Variants in KPNA1 observed in about 807,000 individuals in gnomAD.
KPNA1 encodes karyopherin subunit alpha 1, also known as importin subunit alpha-5.
In KPNA1, 10 loss-of-function variants were observed where a neutral mutation model predicts 70.5. That is an observed-to-expected ratio of 0.14 (90% CI 0.09 to 0.24). The LOEUF (loss-of-function observed/expected upper bound fraction) is 0.24, where lower values mean the gene tolerates loss of function less well. Ranked by LOEUF, KPNA1 falls within the 10% of genes least tolerant of loss-of-function variation. The pLI is 1.00. For missense variants in KPNA1, 397 were observed against 637.9 expected (o/e 0.62, Z 4.07); for synonymous variants, 192 against 221.9 (o/e 0.87, Z 1.20).
chr3:122,484,011 A>G (rs564581116), intron 2 of KPNA1, among the ~76,000 whole-genome samples: 1 of 152,346 alleles, frequency 6.6e-6, no homozygotes, highest in Admixed American at 6.5e-5. Flanking sequence ...CTCCTTGATC[A>G]TGGCTCTCCC....
intron 6 of KPNA1, among the ~76,000 whole-genome samples, chr3:122,453,130 A>G (rs1438615928): frequency 2.0e-5 from 3 of 152,056 alleles, no homozygotes; most frequent in South Asian, 2.1e-4. Context: ...TTTTCTGTAG[A>G]GACTGGGTTT....
At chr3:122,428,077 A>C (rs930342705) in intron 12 of KPNA1, among the ~76,000 whole-genome samples, 2 of 152,158 alleles carry the variant, frequency 1.3e-5, no homozygotes, top group African/African-American at 4.8e-5. Context: ...CAAACATGAC[A>C]CTCTTGGTGC....
chr3:122,446,230 C>T (rs1184558197), intron 9 of KPNA1, among the ~76,000 whole-genome samples: 3 of 152,206 alleles, frequency 2.0e-5, no homozygotes, highest in African/African-American at 7.2e-5. Context: ...CTCTTCTCAG[C>T]ACCACATTGT....
At chr3:122,456,557 C>CA in intron 5 of KPNA1, among the ~76,000 whole-genome samples, 1 of 151,806 alleles carries the variant, frequency 6.6e-6, no homozygotes, top group East Asian at 1.9e-4. Context: ...AGTTTAGCAC[C>CA]AAAGATCTCA....
At chr3:122,464,174 C>T (rs1236373231) in intron 3 of KPNA1, 133 bp from the exon 4 acceptor site, 1 of 447,938 alleles carries the variant, frequency 2.2e-6, no homozygotes. Flanking sequence ...GTAGGACAAT[C>T]TTTACATATA....
chr3:122,448,435 C>T (rs1403958699), intron 9 of KPNA1, among the ~76,000 whole-genome samples: 1 of 152,136 alleles, frequency 6.6e-6, no homozygotes, highest in East Asian at 1.9e-4. Context: ...GAGTTCATAT[C>T]CTTTGCAGGG....
In KPNA1 at chr3:122,460,978, T is replaced by G. The variant is rs574601490; in HGVS notation, c.432+246A>C. Among the ~76,000 whole-genome samples, 3 of 152,192 alleles carry G rather than the reference T, an allele frequency of 2.0e-5. No homozygotes were observed. In the East Asian group the frequency reaches 5.8e-4, roughly 29 times the overall value. ...TCCTCTGCTGTAAACATTTCCCTAT[T>G]AGAGAAGTATTATCCACAATCATAA... is the stretch of plus-strand genomic sequence containing the variant. On this transcript the variant is annotated intron_variant, in intron 5 of 13. Coordinates refer to ENST00000344337, the MANE Select transcript of KPNA1 (RefSeq NM_002264.4).
At chr3:122,434,061 C>T (rs1186296938) in intron 11 of KPNA1, among the ~76,000 whole-genome samples, 4 of 152,070 alleles carry the variant, frequency 2.6e-5, no homozygotes, top group Non-Finnish European at 4.4e-5. Flanking sequence ...CTCAGCCTCC[C>T]GGGTAGCTGG....
intron 4 of KPNA1, among the ~76,000 whole-genome samples, chr3:122,463,496 A>C (rs2076348572): frequency 6.6e-6 from 1 of 151,134 alleles, no homozygotes; most frequent in South Asian, 2.1e-4. Flanking sequence ...TGCACTCCAG[A>C]CTGGCAACAG....
In KPNA1 at chr3:122,509,777, C is replaced by T. The variant is rs138578375; in HGVS notation, c.-6+4980G>A. On this transcript the variant is annotated intron_variant, in intron 1 of 13. Coordinates refer to ENST00000344337, the MANE Select transcript of KPNA1 (RefSeq NM_002264.4). ...GGACCTTGTACGATCTGATGTGTGA[C>T]AAGAACTGAGAAGCATAATTCATTC... Among the ~76,000 whole-genome samples the T allele has an allele frequency of 6.8e-3, 1,040 of 152,238 alleles. 7 individuals are homozygous for T. Among genetic ancestry groups the T allele is most frequent in the Non-Finnish European group, 8.8e-3 (599 of 68,002 alleles).
At chr3:122,442,394 A>T (rs1440715450) in intron 9 of KPNA1, among the ~76,000 whole-genome samples, 1 of 152,100 alleles carries the variant, frequency 6.6e-6, no homozygotes, top group Non-Finnish European at 1.5e-5. Flanking sequence ...TTTCCCTCTC[A>T]TTCTTTAGTA....
chr3:122,433,388 G>T (rs1247541675), intron 12 of KPNA1: 4 of 301,288 alleles, frequency 1.3e-5, no homozygotes, highest in Non-Finnish European at 1.2e-5. Context: ...CTCAAGCCTC[G>T]ACTATGCCTA....
At chr3:122,457,697 T>C (rs1353110084) in intron 5 of KPNA1, 6 of 1,273,636 alleles carry the variant, frequency 4.7e-6, no homozygotes, top group Admixed American at 2.6e-5. Context: ...ATAAGGAAAA[T>C]GAGAATCCAA....
At chr3:122,489,317 T>C (rs2076670355) in intron 2 of KPNA1, among the ~76,000 whole-genome samples, 1 of 151,184 alleles carries the variant, frequency 6.6e-6, no homozygotes, top group South Asian at 2.1e-4. Flanking sequence ...TTTAAGAGGG[T>C]CTCACTCTGT....
intron 9 of KPNA1, among the ~76,000 whole-genome samples, chr3:122,446,002 G>C (rs1442638961): frequency 6.6e-6 from 1 of 152,102 alleles, no homozygotes; most frequent in East Asian, 1.9e-4. Context: ...CCCAATACAG[G>C]AGCACCCAGA....
rs1210004359 is a variant in KPNA1 at position 122,426,572 on chromosome 3, G to A, written c.*413C>T. On this transcript the variant is annotated 3_prime_UTR_variant, in exon 14 of 14. Transcript: ENST00000344337. ...CATCTCCCTTGTCGTAAGTAGTTGT[G>A]TAAAATTCAAGATAAAGATTTAGTC... 6.3e-6 allele frequency: 1 copy of A among 159,408 alleles called. No homozygotes were observed. The highest frequency in any genetic ancestry group is 1.4e-5 in the Non-Finnish European group (1 of 72,722). 9.9% of individuals were successfully genotyped at this position (159,408 alleles called of 1,614,324 possible). A position where few individuals can be genotyped will look rare whatever the true frequency, so the allele number is the denominator to read the frequency against.
intron 6 of KPNA1, among the ~76,000 whole-genome samples, chr3:122,452,577 GGAAGGAA>G (rs1233849280): frequency 3.7e-5 from 1 of 27,142 alleles, no homozygotes. Flanking sequence ...AAGGAGGGAA[GGAAGGAA>G]GGAAGGAAGG....
intron 2 of KPNA1, among the ~76,000 whole-genome samples, chr3:122,488,655 G>T (rs192442000): frequency 6.6e-6 from 1 of 152,172 alleles, no homozygotes; most frequent in Non-Finnish European, 1.5e-5. Context: ...GCAACGTCTG[G>T]GGGTGAAGAA....
At chr3:122,500,007 T>G (rs996509594) in intron 1 of KPNA1, among the ~76,000 whole-genome samples, 3 of 152,242 alleles carry the variant, frequency 2.0e-5, no homozygotes, top group Non-Finnish European at 2.9e-5. Context: ...TACAGGTCTA[T>G]TCAGATTGTC....
Sources: gnomAD v4.1 joint callset for allele counts (sites outside exome capture counted in the v4.1 genomes callset) on GRCh38, gnomAD v4.1.1 for gene constraint, MANE v1.5 for transcripts, NCBI Gene and HGNC (gene_info 2026-07-23, HGNC 2026-07-21) for gene names.